ACTR3C: variants seen among roughly 807,000 people sequenced by gnomAD.
The protein encoded by ACTR3C is actin-related protein 3C.
A neutral mutation model predicts 26.3 loss-of-function variants in ACTR3C; 18 were observed. The observed-to-expected ratio is 0.68, with a 90% CI of 0.47 to 1.01. The LOEUF is 1.01. ACTR3C is among the 50% of genes least tolerant of loss of function. The pLI, the probability that ACTR3C is intolerant of heterozygous loss-of-function variation, is 0.00. For synonymous variants in ACTR3C, 55 were observed against 94.5 expected (o/e 0.58, Z 2.42); for missense variants, 184 against 250.7 (o/e 0.73, Z 1.80).
chr7:149,949,435 TA>T, the ACTR3C span, among the ~76,000 whole-genome samples: 2 of 144,490 alleles, frequency 1.4e-5, no homozygotes, highest in African/African-American at 5.6e-5. Flanking sequence ...AGGAAATGAA[TA>T]AAGTGAAAGT....
At chr7:150,124,619 T>C in the ACTR3C span, among the ~76,000 whole-genome samples, 1 of 152,160 alleles carries the variant, frequency 6.6e-6, no homozygotes, top group Non-Finnish European at 1.5e-5. Context: ...CTGGCTTCTT[T>C]TTCTTTCAAT....
At chr7:149,970,051 A>T in the ACTR3C span, among the ~76,000 whole-genome samples, 9 of 152,272 alleles carry the variant, frequency 5.9e-5, no homozygotes, top group African/African-American at 2.2e-4. Context: ...ATTTTGACTC[A>T]AATTACACAG....
chr7:150,181,885 C>T, the ACTR3C span, among the ~76,000 whole-genome samples: 17 of 150,378 alleles, frequency 1.1e-4, no homozygotes, highest in Non-Finnish European at 8.8e-5. Context: ...CCCCTTGTGC[C>T]AGACCCTGTT....
At chr7:150,111,040 G>A in the ACTR3C span, among the ~76,000 whole-genome samples, 1,141 of 150,940 alleles carry the variant, frequency 7.6e-3, 15 homozygotes, top group African/African-American at 0.026. Context: ...TCTCATCCAG[G>A]GATAACACGT....
At chr7:150,222,244 T>C in the ACTR3C span, among the ~76,000 whole-genome samples, 2 of 152,230 alleles carry the variant, frequency 1.3e-5, no homozygotes, top group Admixed American at 6.5e-5. Context: ...ATCAGCGTAA[T>C]GCAGAGCTTG....
the ACTR3C span, among the ~76,000 whole-genome samples, chr7:149,982,139 A>C: frequency 6.6e-6 from 1 of 152,162 alleles, no homozygotes. Context: ...TGATCGGTTG[A>C]CTGAGGTGGA....
At chr7:149,999,793 C>T in the ACTR3C span, among the ~76,000 whole-genome samples, 2 of 151,896 alleles carry the variant, frequency 1.3e-5, no homozygotes, top group East Asian at 3.9e-4. Context: ...ACAAGGGGAG[C>T]ACACGGTGAA....
chr7:149,912,145 G>T, the ACTR3C span, among the ~76,000 whole-genome samples: 2 of 151,800 alleles, frequency 1.3e-5, no homozygotes, highest in Non-Finnish European at 2.9e-5. Context: ...AGAATGAAAT[G>T]TATGAAACAA....
chr7:150,258,124 G>A (rs1833355671), intron 6 of ACTR3C, among the ~76,000 whole-genome samples: 1 of 151,788 alleles, frequency 6.6e-6, no homozygotes, highest in African/African-American at 2.4e-5. Flanking sequence ...AGGAAAAAAA[G>A]TTAGAACGGA....
intron 6 of ACTR3C, among the ~76,000 whole-genome samples, chr7:150,265,166 T>G (rs1833934830): frequency 6.6e-6 from 1 of 152,122 alleles, no homozygotes; most frequent in Admixed American, 6.5e-5. Context: ...ACAGAAGACA[T>G]CATCATAAAA....
chr7:150,004,543 A>G, the ACTR3C span: 3 of 152,198 alleles, frequency 2.0e-5, no homozygotes, highest in East Asian at 5.8e-4. Flanking sequence ...ATGAGTCAAA[A>G]GATATGAATA....
chr7:150,317,105 G>A (rs779369432), intron 1 of ACTR3C, among the ~76,000 whole-genome samples: 1 of 151,288 alleles, frequency 6.6e-6, no homozygotes, highest in Non-Finnish European at 1.5e-5. Flanking sequence ...CTTCTGTTGT[G>A]CAATGGCGTG....
the ACTR3C span, among the ~76,000 whole-genome samples, chr7:149,945,720 G>A: frequency 6.6e-6 from 1 of 152,146 alleles, no homozygotes; most frequent in East Asian, 1.9e-4. Flanking sequence ...GACACATGTT[G>A]GCAGCTTCCA....
At chr7:150,065,065 T>C in the ACTR3C span, among the ~76,000 whole-genome samples, 59,345 of 151,138 alleles carry the variant, frequency 0.39, 12,448 homozygotes, top group East Asian at 0.63. Flanking sequence ...CCTCTCTAGA[T>C]AAAAGCATGA....
chr7:150,176,713 T>A, the ACTR3C span, among the ~76,000 whole-genome samples: 1 of 150,866 alleles, frequency 6.6e-6, no homozygotes, highest in Admixed American at 6.6e-5. Flanking sequence ...ACTGAAGTTT[T>A]CAACAAACTT....
the ACTR3C span, among the ~76,000 whole-genome samples, chr7:149,931,112 T>G: frequency 6.6e-6 from 1 of 152,254 alleles, no homozygotes; most frequent in Non-Finnish European, 1.5e-5. Context: ...GTGATCCACC[T>G]GCCTCAGACT....
the ACTR3C span, among the ~76,000 whole-genome samples, chr7:150,023,137 A>G: frequency 1.4e-5 from 1 of 69,280 alleles, no homozygotes; most frequent in Non-Finnish European, 3.6e-5. Flanking sequence ...CTATATACAT[A>G]TATATAGATA....
chr7:150,265,123 A>C (rs574413953), intron 6 of ACTR3C, among the ~76,000 whole-genome samples: 111 of 151,596 alleles, frequency 7.3e-4, no homozygotes, highest in Admixed American at 3.5e-3. Context: ...CCAAACTGAG[A>C]GCTGGATTTC....
At chr7:150,184,585 G>C in the ACTR3C span, among the ~76,000 whole-genome samples, 15 of 150,302 alleles carry the variant, frequency 1.0e-4, 1 homozygote, top group Non-Finnish European at 1.8e-4. Context: ...ATACCGGCAG[G>C]ACAGCATCCT....
Sources: allele counts gnomAD v4.1 joint callset (sites outside exome capture counted in the v4.1 genomes callset), GRCh38; gene constraint gnomAD v4.1.1; transcripts MANE v1.5; gene names NCBI Gene and HGNC (gene_info 2026-07-23, HGNC 2026-07-21).